Variants in MYORG observed in about 807,000 individuals in gnomAD.
MYORG encodes alpha-galactosidase MYORG.
In MYORG, 45 loss-of-function variants were observed where a neutral mutation model predicts 49.8. The ratio of observed to expected loss-of-function variants is 0.90; its 90% CI spans 0.71 to 1.16. The LOEUF (loss-of-function observed/expected upper bound fraction) is 1.16, where lower values mean the gene tolerates loss of function less well. Ranked by LOEUF, MYORG falls within the 50% of genes most tolerant of loss-of-function variation. The probability of loss-of-function intolerance (pLI) is 0.00; values close to 1 mark genes in which losing one functional copy is unlikely to be tolerated. For missense variants in MYORG, 1,110 were observed against 1,026.5 expected (o/e 1.08, Z -1.11); for synonymous variants, 552 against 462.9 (o/e 1.19, Z -2.47).
In MYORG at chr9:34,372,928, G is replaced by A. The variant is rs768125948; in HGVS notation, c.16C>T (p.Gln6Ter). Residue 6 changes from glutamine (Q) to a stop codon, truncating the protein, a stop_gained, in exon 2 of 2, where the codon CAG becomes TAG. Coordinates refer to ENST00000297625, the MANE Select transcript of MYORG (RefSeq NM_020702.5). LOFTEE classifies it high-confidence loss of function. Reference sequence around the variant, plus strand: ...CGGGGGTAGGCCTGGCTCTTCTCCTGAGGGTTCTGGAGCATTAGTGGGCTG... The same window carrying A: ...CGGGGGTAGGCCTGGCTCTTCTCCTAAGGGTTCTGGAGCATTAGTGGGCTG... MLQNP[Q>*]EKSQAYPRRR... 6.2e-7 allele frequency: 1 copy of A among 1,613,484 alleles called. No homozygotes were observed. Among genetic ancestry groups the A allele is most frequent in the Non-Finnish European group, 8.5e-7 (1 of 1,179,576 alleles).
chr9:34,372,440 C>A lies in MYORG; in HGVS notation c.504G>T (p.Pro168=), dbSNP rs541924604. 5 of 1,580,634 alleles carry A rather than the reference C, an allele frequency of 3.2e-6. No homozygotes were observed. The African/African-American group carries it at 6.7e-5, about 21-fold the overall frequency. ...CYRVRWEEAA[P]GRAVEHAMFL... Reference sequence around the variant, plus strand: ...ACATGGCGTGCTCCACGGCCCGGCCCGGCGCTGCCTCCTCCCAGCGCACGC... The same window carrying A: ...ACATGGCGTGCTCCACGGCCCGGCCAGGCGCTGCCTCCTCCCAGCGCACGC... The change falls in exon 2 of 2, where the codon CCG becomes CCT. Residue 168 remains proline (P), a synonymous_variant. Coordinates refer to ENST00000297625, the MANE Select transcript of MYORG (RefSeq NM_020702.5).
intron 1 of MYORG, among the ~76,000 whole-genome samples, chr9:34,374,359 C>T (rs184857274): frequency 7.7e-4 from 117 of 152,298 alleles, no homozygotes; most frequent in African/African-American, 2.7e-3. Flanking sequence ...TTGCTTTGCA[C>T]TGGAGGCTCC....
In MYORG at chr9:34,366,778, A is replaced by G. The variant is rs1820509244; in HGVS notation, c.*4021T>C. On this transcript the variant is annotated 3_prime_UTR_variant, in exon 2 of 2. Transcript: ENST00000297625. ...TCGGGAGGTAGGCATTATTATCACC[A>G]TTTGACATATGAGAAAACAGAGGCT... The G allele has an allele frequency of 6.6e-6, 1 of 152,236 alleles. No individual in the cohort carries two copies. The highest frequency in any genetic ancestry group is 6.5e-5 in the Admixed American group (1 of 15,282). The allele number at this position is 152,236 out of a possible 1,614,324, so 9.4% of individuals were successfully genotyped here. A position where few individuals can be genotyped will look rare whatever the true frequency, so the allele number is the denominator to read the frequency against.
chr9:34,372,242 C>A lies in MYORG; in HGVS notation c.702G>T (p.Ala234=). 6.2e-7 allele frequency: 1 copy of A among 1,610,628 alleles called. No individual in the cohort carries two copies. Among genetic ancestry groups the A allele is most frequent in the Non-Finnish European group, 8.5e-7 (1 of 1,179,008 alleles). The part of the protein sequence containing the change: ...ILERYWLSSR[A]AAIKVNDSVP... ...CTGAGTCATTGACTTTGATGGCGGC[C>A]GCGCGCGAAGATAGCCAGTAGCGCT... The change falls in exon 2 of 2, where the codon GCG becomes GCT. Residue 234 remains alanine (A), a synonymous_variant. Transcript: ENST00000297625.
rs150854419 is a variant in MYORG, at chr9:34,372,338, G to A, written c.606C>T (p.Gly202=). ...RTQHWPIRLD[G]QQEPQPFVTS... is the part of the protein sequence containing the mutation. ...TGACGAACGGCTGGGGCTCCTGCTG[G>A]CCATCCAGGCGGATGGGCCAGTGTT... is the stretch of plus-strand genomic sequence containing the variant. The change falls in exon 2 of 2, where the codon GGC becomes GGT. Residue 202 remains glycine, a synonymous_variant. Coordinates refer to ENST00000297625, the MANE Select transcript of MYORG (RefSeq NM_020702.5). The A allele has an allele frequency of 1.0e-4, 161 of 1,602,396 alleles. No individual in the cohort carries two copies. Among genetic ancestry groups the A allele is most frequent in the East Asian group, 4.8e-4 (21 of 44,208 alleles).
Position 34,371,152 on chromosome 9 carries a change from C to T in MYORG, c.1792G>A (p.Ala598Thr). The T allele has an allele frequency of 6.2e-7, 1 of 1,608,502 alleles. No homozygotes were observed. The highest frequency in any genetic ancestry group is 8.5e-7 in the Non-Finnish European group (1 of 1,176,488). Residue 598 changes from alanine to threonine, a missense_variant, in exon 2 of 2, where the codon GCG (alanine) becomes ACG (threonine). Ala to Thr is a moderately conservative substitution (Grantham distance 58, BLOSUM62 0). Transcript: ENST00000297625. ...TTCTGCGCGATGGCCACCACTTCCG[C>T]GTCGTAGCGCCAGGGCGGGATAGAG... ...QFSIPPWRYD[A>T]EVVAIAQKFA... is the part of the protein sequence containing the mutation.
chr9:34,371,708 C>A lies in MYORG; in HGVS notation c.1236G>T (p.Val412=). ...CAGGTAACCGGCCCGTGGGTTCGCG[C>A]ACGAACAGCTCGCGCTCCACGCCCT... is the stretch of plus-strand genomic sequence containing the variant. ...FGEGVERELF[V]REPTGRLPAL... is the part of the protein sequence containing the mutation. The change falls in exon 2 of 2, where the codon GTG becomes GTT. Residue 412 remains valine (V), a synonymous_variant. Transcript: ENST00000297625. The A allele has an allele frequency of 1.2e-6, 2 of 1,611,344 alleles. No individual in the cohort carries two copies. The highest frequency in any genetic ancestry group is 1.7e-6 in the Non-Finnish European group (2 of 1,178,868).
rs1360944020 is a variant in MYORG, at chr9:34,370,801, A to C, written c.2143T>G (p.Ter715GlyextTer42). 11 of 1,570,742 alleles carry C rather than the reference A, an allele frequency of 7.0e-6. No homozygotes were observed. The highest frequency in any genetic ancestry group is 9.5e-6 in the Non-Finnish European group (11 of 1,152,832). The change falls in exon 2 of 2, where the codon TGA (stop) becomes GGA (glycine). Residue 715 changes from the stop codon to glycine (G), a stop_lost. Transcript: ENST00000297625. The stretch of plus-strand genomic sequence containing the variant: ...CGGTTACCGGGCCCTGGGCTGGGTC[A>C]GGACGCCCAGGTAAAGTAGGCGATC... Reference protein sequence around the residue: ...DEIAYFTWAS* With the variant: ...DEIAYFTWASG
In MYORG at chr9:34,371,442, G is replaced by T; in HGVS notation, c.1502C>A (p.Ala501Glu). The change falls in exon 2 of 2, where the codon GCG becomes GAG. Residue 501 changes from alanine to glutamate, a missense_variant. Transcript: ENST00000297625. ...TGACTGGTAGCCTACGCGCACCTCC[G>T]CCAGCGAGAAGAAGGGCAGCGCCAT... ...TEMALPFFSL[A>E]EVRVGYQSQN... 1 of 1,613,018 alleles carries T rather than the reference G, an allele frequency of 6.2e-7. No individual in the cohort carries two copies. Among genetic ancestry groups the T allele is most frequent in the East Asian group, 2.2e-5 (1 of 44,876 alleles).
Position 34,371,555 on chromosome 9 carries a change from G to A in MYORG, c.1389C>T (p.Asp463=), listed in dbSNP as rs1329423494. 6.2e-7 allele frequency: 1 copy of A among 1,605,078 alleles called. No individual in the cohort carries two copies. Among genetic ancestry groups the A allele is most frequent in the South Asian group, 1.1e-5 (1 of 90,894 alleles). Residue 463 remains aspartate (D), a synonymous_variant, in exon 2 of 2, where the codon GAC becomes GAT. Coordinates refer to ENST00000297625, the MANE Select transcript of MYORG (RefSeq NM_020702.5). The stretch of plus-strand genomic sequence containing the variant: ...GCGGCAGGTAGCTGACCTCGCCCGC[G>A]TCGAACTTGAAGGAAGCCACGGAGT... ...SRYSVASFKF[D]AGEVSYLPRD...
At position 34,372,877 on chromosome 9, in the gene MYORG, A is replaced by G. The variant is rs373750261; in HGVS notation, c.67T>C (p.Tyr23His). The G allele has an allele frequency of 8.1e-6, 13 of 1,613,964 alleles. No homozygotes were observed. Among genetic ancestry groups the G allele is most frequent in the East Asian group, 4.5e-5 (2 of 44,874 alleles). Residue 23 changes from tyrosine to histidine, a missense_variant, in exon 2 of 2, where the codon TAC becomes CAC. Tyr to His is a moderately conservative substitution (Grantham distance 83). Coordinates refer to ENST00000297625, the MANE Select transcript of MYORG (RefSeq NM_020702.5). Reference protein sequence around the residue: ...PRRRRPGCYAYRQNPEAIAAA... With the variant: ...PRRRRPGCYAHRQNPEAIAAA... ...GCGATGGCCTCGGGGTTCTGACGGT[A>G]TGCGTAGCAGCCAGGCCGGCGGCGG...
At position 34,376,475 on chromosome 9, in the gene MYORG, C is replaced by CG. The variant is rs1016292389; in HGVS notation, c.-64+317dup. On this transcript the variant is annotated intron_variant, in intron 1 of 1. Transcript: ENST00000297625. The surrounding 1 kb of genome is among the most constrained non-coding windows in gnomAD (Gnocchi z 4.4). The stretch of plus-strand genomic sequence containing the variant: ...AGAATCGTTAGTTGGACACAGTTCC[C>CG]GGGGGGATGGAAATGTCAAAGGCAA... 6.6e-6 allele frequency among the ~76,000 whole-genome samples: 1 copy of CG among 152,178 alleles called. No homozygotes were observed. Among genetic ancestry groups the CG allele is most frequent in the Non-Finnish European group, 1.5e-5 (1 of 68,028 alleles).
intron 1 of MYORG, among the ~76,000 whole-genome samples, chr9:34,374,992 C>T (rs528755836): frequency 6.6e-6 from 1 of 152,122 alleles, no homozygotes; most frequent in South Asian, 2.1e-4. Context: ...GGCCACTGAC[C>T]GTTCCTGTCC....
At position 34,372,785 on chromosome 9, in the gene MYORG, G is replaced by C. The variant is rs4879781; in HGVS notation, c.159C>G (p.Asp53Glu). 0.98 allele frequency: 1,576,300 copies of C among 1,613,982 alleles called. 770,500 individuals carry two copies. The highest frequency in any genetic ancestry group is 0.99 in the Non-Finnish European group (1,162,954 of 1,179,878). ...FSPAKPKPSKDLKPLLGSAVL... is the reference protein window; with the variant it reads ...FSPAKPKPSKELKPLLGSAVL... The stretch of plus-strand genomic sequence containing the variant: ...CCGCGGAGCCCAGCAGCGGCTTCAG[G>C]TCTTTGGAAGGCTTGGGCTTGGCAG... The change falls in exon 2 of 2, where the codon GAC (aspartate) becomes GAG (glutamate). Residue 53 changes from aspartate to glutamate, a missense_variant. Transcript: ENST00000297625.
chr9:34,368,268 C>T lies in MYORG; in HGVS notation c.*2531G>A, dbSNP rs1273395452. On this transcript the variant is annotated 3_prime_UTR_variant, in exon 2 of 2. Transcript: ENST00000297625. The stretch of plus-strand genomic sequence containing the variant: ...GAGGCACTGCTGCAAAGGTCTCTGA[C>T]ATGCCCTGCAGACATTTTCCCCATG... 6.6e-6 allele frequency: 1 copy of T among 152,276 alleles called. No homozygotes were observed. Among genetic ancestry groups the T allele is most frequent in the Non-Finnish European group, 1.5e-5 (1 of 68,046 alleles). 9.4% of individuals were successfully genotyped at this position (152,276 alleles called of 1,614,324 possible).
chr9:34,367,889 T>C lies in MYORG; in HGVS notation c.*2910A>G, dbSNP rs1367350446. 6.6e-6 allele frequency: 1 copy of C among 152,214 alleles called. No homozygotes were observed. Among genetic ancestry groups the C allele is most frequent in the Non-Finnish European group, 1.5e-5 (1 of 68,040 alleles). 9.4% of individuals were successfully genotyped at this position (152,214 alleles called of 1,614,324 possible). On this transcript the variant is annotated 3_prime_UTR_variant, in exon 2 of 2. Transcript: ENST00000297625. ...CCCAGTGGGGTCTCTGTGTGGGGGC[T>C]TCCCCTTCCACATTGCCTTAACAGA...
At position 34,371,520 on chromosome 9, in the gene MYORG, C is replaced by T; in HGVS notation, c.1424G>A (p.Ser475Asn). The T allele has an allele frequency of 6.2e-6, 10 of 1,608,654 alleles. No homozygotes were observed. Among genetic ancestry groups the T allele is most frequent in the Non-Finnish European group, 8.5e-6 (10 of 1,179,504 alleles). The change falls in exon 2 of 2, where the codon AGC becomes AAC. Residue 475 changes from serine to asparagine, a missense_variant. Ser to Asn is a conservative substitution (Grantham distance 46, BLOSUM62 1). Transcript: ENST00000297625. The part of the protein sequence containing the change: ...GEVSYLPRDF[S>N]TYRPLPDPSV... The stretch of plus-strand genomic sequence containing the variant: ...GGGGTCCGGCAGCGGCCGGTAGGTG[C>T]TGAAGTCCCGCGGCAGGTAGCTGAC...
Position 34,372,122 on chromosome 9 carries a change from G to A in MYORG, c.822C>T (p.Ala274=), listed in dbSNP as rs1820617848. 1 of 1,612,454 alleles carries A rather than the reference G, an allele frequency of 6.2e-7. No homozygotes were observed. Among genetic ancestry groups the A allele is most frequent in the Non-Finnish European group, 8.5e-7 (1 of 1,179,764 alleles). ...DTPYKPPAGR[A]AAPELSYRVC... ...CTCGGTAGCTCAGCTCTGGCGCTGCGGCGCGGCCGGCGGGTGGCTTGTAGG... is the reference window on the plus strand; with the variant it reads ...CTCGGTAGCTCAGCTCTGGCGCTGCAGCGCGGCCGGCGGGTGGCTTGTAGG... The change falls in exon 2 of 2, where the codon GCC becomes GCT. Residue 274 remains alanine (A), a synonymous_variant. Coordinates refer to ENST00000297625, the MANE Select transcript of MYORG (RefSeq NM_020702.5).
chr9:34,371,747 C>T lies in MYORG; in HGVS notation c.1197G>A (p.Ser399=), dbSNP rs776824991. 2.7e-5 allele frequency: 43 copies of T among 1,613,302 alleles called. No individual in the cohort carries two copies. The African/African-American group carries it at 5.2e-4, about 20-fold the overall frequency. ...LWVHPFVNYN[S]SRFGEGVERE... ...GCTCCACGCCCTCGCCGAAGCGCGA[C>T]GAGTTGTAGTTGACAAAAGGGTGCA... Residue 399 remains serine, a synonymous_variant, in exon 2 of 2, where the codon TCG becomes TCA. Transcript: ENST00000297625.
Sources: gnomAD v4.1 joint callset for allele counts (sites outside exome capture counted in the v4.1 genomes callset) on GRCh38, gnomAD v4.1.1 for gene constraint, Gnocchi (gnomAD v3.1) non-coding constraint, MANE v1.5 for transcripts, NCBI Gene and HGNC (gene_info 2026-07-23, HGNC 2026-07-21) for gene names.